The following TXNL4A variants were observed in gnomAD, a reference collection of about 807,000 sequenced individuals.
The protein encoded by TXNL4A is thioredoxin like 4A, also known as thioredoxin-like protein 4A.
Under a neutral mutation model 14.6 loss-of-function variants are expected in TXNL4A, and 17 were observed. That is an observed-to-expected ratio of 1.16 (90% CI 0.80 to 1.74). The LOEUF is 1.74. Ranked by LOEUF, TXNL4A falls within the 40% of genes most tolerant of loss-of-function variation. The pLI is 0.00. For synonymous variants in TXNL4A, 83 were observed against 70.6 expected (o/e 1.18, Z -0.88); for missense variants, 74 against 195.2 (o/e 0.38, Z 3.70).
At chr18:80,018,540 T>C (rs1296376738) in intron 1 of TXNL4A, among the ~76,000 whole-genome samples, 3 of 151,912 alleles carry the variant, frequency 2.0e-5, no homozygotes, top group Non-Finnish European at 4.4e-5. Context: ...AATTAATGAA[T>C]CCAGGAGCTG....
intron 2 of TXNL4A, among the ~76,000 whole-genome samples, chr18:79,974,353 TGAC>T (rs2051347117): frequency 6.6e-6 from 1 of 152,264 alleles, no homozygotes; most frequent in African/African-American, 2.4e-5. Context: ...GAAATGAAGA[TGAC>T]ATTTTGCATG....
At chr18:79,996,954 A>G (rs1298794471) in intron 1 of TXNL4A, among the ~76,000 whole-genome samples, 1 of 152,196 alleles carries the variant, frequency 6.6e-6, no homozygotes, top group South Asian at 2.1e-4. Context: ...CAAAGAAAAA[A>G]CAAGACCTGA....
chr18:79,996,241 A>G (rs2051661790), intron 1 of TXNL4A, among the ~76,000 whole-genome samples: 1 of 152,158 alleles, frequency 6.6e-6, no homozygotes, highest in South Asian at 2.1e-4. Context: ...CACTGCTCCA[A>G]ATATTCTACC....
chr18:80,009,259 C>T (rs977925267), intron 1 of TXNL4A, among the ~76,000 whole-genome samples: 2 of 152,168 alleles, frequency 1.3e-5, no homozygotes, highest in African/African-American at 2.4e-5. Flanking sequence ...AATGGAATGG[C>T]AGGAGGAAAG....
chr18:79,979,623 C>T (rs1009274984), intron 1 of TXNL4A: 1 of 152,806 alleles, frequency 6.5e-6, no homozygotes, highest in Non-Finnish European at 1.5e-5. Context: ...TACCACACTT[C>T]CTGTACAGCC....
intron 1 of TXNL4A, among the ~76,000 whole-genome samples, chr18:80,027,863 T>A (rs1434635720): frequency 6.6e-6 from 1 of 152,184 alleles, no homozygotes; most frequent in Non-Finnish European, 1.5e-5. Flanking sequence ...TGAGAGGAAT[T>A]TTAGCTTTCC....
At chr18:79,990,278 G>A (rs543701466), upstream of TXNL4A, among the ~76,000 whole-genome samples, 2 of 152,204 alleles carry the variant, frequency 1.3e-5, no homozygotes, top group South Asian at 4.1e-4. Flanking sequence ...ACAATTTCAG[G>A]TTGGTAGGAT....
chr18:79,984,384 A>G (rs912244308), intron 1 of TXNL4A, among the ~76,000 whole-genome samples: 6 of 110,918 alleles, frequency 5.4e-5, no homozygotes, highest in Middle Eastern at 8.1e-3. Context: ...ACTTGAGGAC[A>G]GGAGTTTGAG....
At chr18:79,988,205 C>T (rs1336293717) in intron 1 of TXNL4A, 35 bp downstream of exon 1, 2 of 1,480,310 alleles carry the variant, frequency 1.4e-6, no homozygotes. Flanking sequence ...GATGCGGAAG[C>T]ACAGCCCGCA....
intron 1 of TXNL4A, among the ~76,000 whole-genome samples, chr18:80,012,122 G>C (rs529928511): frequency 6.2e-4 from 95 of 152,234 alleles, no homozygotes; most frequent in African/African-American, 2.1e-3. Flanking sequence ...TACCCACCGG[G>C]TAGTGTGGGG....
intron 1 of TXNL4A, among the ~76,000 whole-genome samples, chr18:80,002,728 T>C (rs1177586280): frequency 6.6e-6 from 1 of 152,206 alleles, no homozygotes; most frequent in African/African-American, 2.4e-5. Context: ...CACCCCCTAA[T>C]TAGAAGAGCA....
chr18:79,978,237 G>C (rs555647208), intron 1 of TXNL4A, among the ~76,000 whole-genome samples: 2 of 152,206 alleles, frequency 1.3e-5, no homozygotes, highest in African/African-American at 2.4e-5. Flanking sequence ...TGCTGATCTA[G>C]TAATCATCTG....
chr18:79,977,920 C>G lies in TXNL4A; in HGVS notation c.154-219G>C, dbSNP rs1031955944. The G allele has an allele frequency of 1.3e-5, 7 of 547,678 alleles. No homozygotes were observed. In the African/African-American group the frequency reaches 1.3e-4, roughly 10 times the overall value. 33.9% of individuals were successfully genotyped at this position (547,678 alleles called of 1,614,324 possible). A position where few individuals can be genotyped will look rare whatever the true frequency, so the allele number is the denominator to read the frequency against. On this transcript the variant is annotated intron_variant, in intron 1 of 2. Transcript: ENST00000269601. ...CCAGGCTCAAGCTATCCTCCCACCT[C>G]AGCCTCCCAAAGTGCTGGGATTATA... is the stretch of plus-strand genomic sequence containing the variant.
intron 1 of TXNL4A, among the ~76,000 whole-genome samples, chr18:80,022,450 C>T (rs2145126326): frequency 6.6e-6 from 1 of 152,312 alleles, no homozygotes; most frequent in South Asian, 2.1e-4. Context: ...GAACCTTGGA[C>T]TATTTGCCCT....
chr18:80,019,927 G>T (rs2051837150), intron 1 of TXNL4A, among the ~76,000 whole-genome samples: 2 of 152,212 alleles, frequency 1.3e-5, no homozygotes, highest in South Asian at 4.2e-4. Flanking sequence ...GGTAAAGCCA[G>T]CAGAGGGAAC....
intron 1 of TXNL4A, chr18:79,995,056 A>C (rs2051651981): frequency 6.6e-6 from 1 of 152,258 alleles, no homozygotes; most frequent in Admixed American, 6.5e-5. Flanking sequence ...GTTAACAGTT[A>C]GGGGAACCCC....
At chr18:80,009,649 A>G (rs952099335) in intron 1 of TXNL4A, among the ~76,000 whole-genome samples, 3 of 152,202 alleles carry the variant, frequency 2.0e-5, no homozygotes, top group Non-Finnish European at 2.9e-5. Context: ...AAAGTTTTAG[A>G]GCAAGAATGA....
At chr18:79,980,853 T>G (rs1439095779) in intron 1 of TXNL4A, among the ~76,000 whole-genome samples, 1 of 152,182 alleles carries the variant, frequency 6.6e-6, no homozygotes, top group African/African-American at 2.4e-5. Context: ...CGACTCCCCG[T>G]CCATGTGCTT....
At chr18:79,990,592 T>C (rs1034609423), upstream of TXNL4A, among the ~76,000 whole-genome samples, 3 of 152,252 alleles carry the variant, frequency 2.0e-5, no homozygotes, top group African/African-American at 4.8e-5. Flanking sequence ...TCATTTCAGA[T>C]ACAAACACAG....
Sources: gnomAD v4.1 joint callset for allele counts (sites outside exome capture counted in the v4.1 genomes callset) on GRCh38, gnomAD v4.1.1 for gene constraint, MANE v1.5 for transcripts, NCBI Gene and HGNC (gene_info 2026-07-23, HGNC 2026-07-21) for gene names.